Variants in SEMA6D observed in about 807,000 individuals in gnomAD.
SEMA6D encodes the protein semaphorin-6D.
SEMA6D carries 35 observed loss-of-function variants against 106.6 expected under a neutral mutation model. The ratio of observed to expected loss-of-function variants is 0.33; its 90% confidence interval spans 0.25 to 0.44. The LOEUF is 0.44. Ranked by LOEUF, SEMA6D falls within the 20% of genes least tolerant of loss-of-function variation. The probability of loss-of-function intolerance (pLI) is 1.00; values close to 1 mark genes in which losing one functional copy is unlikely to be tolerated. For synonymous variants in SEMA6D, 499 were observed against 487.7 expected, an observed-to-expected ratio of 1.02 and a Z score of -0.31; for missense variants, 1,185 against 1,345.9, an observed-to-expected ratio of 0.88 and a Z score of 1.87.
chr15:47,470,323 T>C lies in SEMA6D; in HGVS notation c.-158-151T>C, dbSNP rs187135270. On this transcript the variant is annotated intron_variant, in intron 2 of 19. Transcript: ENST00000558014. ...GTTTTGCATGGAGAAATCTTTTTGA[T>C]TGAAGGCCTAGAATTGCTTATATCA... Among the ~76,000 whole-genome samples, 116 of 152,274 alleles carry C rather than the reference T, an allele frequency of 7.6e-4. 1 individual carries two copies. Among genetic ancestry groups the C allele is most frequent in the Non-Finnish European group, 1.4e-3 (97 of 68,030 alleles).
At chr15:47,234,648 T>C (rs1312481465) in intron 1 of SEMA6D, among the ~76,000 whole-genome samples, 1 of 152,084 alleles carries the variant, frequency 6.6e-6, no homozygotes, top group East Asian at 1.9e-4. Context: ...GGCCTCCAGC[T>C]CCATCCAAGT....
intron 4 of SEMA6D, among the ~76,000 whole-genome samples, chr15:47,601,619 G>A (rs1306772570): frequency 6.6e-6 from 1 of 152,186 alleles, no homozygotes; most frequent in East Asian, 1.9e-4. Flanking sequence ...AAGCTAATAA[G>A]ATTGGGGTGG....
chr15:47,626,425 C>T (rs1230816072), intron 4 of SEMA6D, among the ~76,000 whole-genome samples: 2 of 152,158 alleles, frequency 1.3e-5, no homozygotes, highest in African/African-American at 4.8e-5. Context: ...ATCAAAGTGG[C>T]CAGTAACCTA....
chr15:47,765,242 G>T (rs926554164), intron 13 of SEMA6D, 186 bp downstream of exon 13: 8 of 1,378,376 alleles, frequency 5.8e-6, no homozygotes, highest in Non-Finnish European at 7.5e-6. Flanking sequence ...GGCGAGGGGG[G>T]TGAATGGTTG....
intron 2 of SEMA6D, among the ~76,000 whole-genome samples, chr15:47,432,622 G>C (rs2041575128): frequency 2.1e-5 from 1 of 47,556 alleles, no homozygotes; most frequent in Non-Finnish European, 4.9e-5. Context: ...CACACAATTA[G>C]TAAGTACTCA....
At chr15:47,309,347 A>G (rs913745925) in intron 1 of SEMA6D, among the ~76,000 whole-genome samples, 2 of 152,128 alleles carry the variant, frequency 1.3e-5, no homozygotes, top group African/African-American at 4.8e-5. Context: ...CCTTTTGTCC[A>G]TTGTATCCTT....
intron 3 of SEMA6D, among the ~76,000 whole-genome samples, chr15:47,556,906 T>C (rs2045931588): frequency 6.6e-6 from 1 of 152,144 alleles, no homozygotes; most frequent in Non-Finnish European, 1.5e-5. Flanking sequence ...ATGTGTCCAA[T>C]TTCTCTCTTA....
intron 1 of SEMA6D, among the ~76,000 whole-genome samples, chr15:47,266,817 G>C (rs1050310020): frequency 6.6e-6 from 1 of 152,092 alleles, no homozygotes; most frequent in African/African-American, 2.4e-5. Flanking sequence ...AGCTGGAAAG[G>C]GAAATGGAAG....
At chr15:47,706,024 G>T (rs1034238688) in intron 4 of SEMA6D, among the ~76,000 whole-genome samples, 38 of 152,164 alleles carry the variant, frequency 2.5e-4, no homozygotes, top group African/African-American at 8.7e-4. Context: ...GTATTTTTCT[G>T]CCTCTTTGCA....
At chr15:47,335,353 A>G (rs561557476) in intron 1 of SEMA6D, among the ~76,000 whole-genome samples, 3 of 152,160 alleles carry the variant, frequency 2.0e-5, no homozygotes, top group Admixed American at 2.0e-4. Flanking sequence ...TATATGATCC[A>G]GATACAAAAG....
intron 4 of SEMA6D, among the ~76,000 whole-genome samples, chr15:47,607,867 C>T (rs1446931543): frequency 2.0e-5 from 3 of 152,178 alleles, no homozygotes; most frequent in Non-Finnish European, 4.4e-5. Context: ...GGCAAAAGGC[C>T]TAGGGAGAGG....
intron 1 of SEMA6D, among the ~76,000 whole-genome samples, chr15:47,324,511 G>A (rs1323781729): frequency 2.0e-5 from 3 of 151,954 alleles, no homozygotes; most frequent in African/African-American, 7.2e-5. Context: ...GCACTCCATA[G>A]GGAAAATGTT....
chr15:47,553,193 C>CG (rs1164525921), intron 3 of SEMA6D, among the ~76,000 whole-genome samples: 7 of 151,610 alleles, frequency 4.6e-5, no homozygotes, highest in Non-Finnish European at 7.4e-5. Flanking sequence ...CATGAGCCAC[C>CG]GCGCCCAGCC....
intron 2 of SEMA6D, among the ~76,000 whole-genome samples, chr15:47,453,129 T>C (rs1176449166): frequency 6.6e-6 from 1 of 151,966 alleles, no homozygotes; most frequent in Non-Finnish European, 1.5e-5. Flanking sequence ...TTCTCAACTT[T>C]GTTCAGAATC....
chr15:47,409,898 GT>G (rs1259465246), intron 1 of SEMA6D, among the ~76,000 whole-genome samples: 2 of 151,434 alleles, frequency 1.3e-5, no homozygotes, highest in Non-Finnish European at 2.9e-5. Context: ...TTTCGGGGTT[GT>G]GGGGGGGGTG....
chr15:47,248,013 T>A (rs1381378642), intron 1 of SEMA6D, among the ~76,000 whole-genome samples: 2 of 152,126 alleles, frequency 1.3e-5, no homozygotes, highest in Non-Finnish European at 2.9e-5. Context: ...AGAATTAATA[T>A]GAGAAGGAAG....
intron 3 of SEMA6D, among the ~76,000 whole-genome samples, chr15:47,590,881 T>C (rs2076425979): frequency 6.6e-6 from 1 of 152,214 alleles, no homozygotes; most frequent in Admixed American, 6.5e-5. Context: ...AAATTTTTTC[T>C]TTGTGAGCCA....
intron 1 of SEMA6D, among the ~76,000 whole-genome samples, chr15:47,289,161 C>T (rs771526134): frequency 3.3e-5 from 5 of 151,762 alleles, no homozygotes; most frequent in African/African-American, 4.8e-5. Flanking sequence ...TTTGGAAGGC[C>T]GAGGCAGGTG....
intron 1 of SEMA6D, among the ~76,000 whole-genome samples, chr15:47,214,486 TTAAC>T (rs2030367393): frequency 6.6e-6 from 1 of 152,216 alleles, no homozygotes; most frequent in Admixed American, 6.5e-5. Flanking sequence ...GAATGATTAT[TTAAC>T]TGAGTTCCGT....
Sources: allele counts gnomAD v4.1 joint callset (sites outside exome capture counted in the v4.1 genomes callset), GRCh38; gene constraint gnomAD v4.1.1; transcripts MANE v1.5; gene names NCBI Gene and HGNC (gene_info 2026-07-23, HGNC 2026-07-21).